The following SRCIN1 variants were observed in gnomAD, a reference collection of about 807,000 sequenced individuals.
SRCIN1 encodes SRC kinase signaling inhibitor 1, also known as P130Cas-associated protein.
SRCIN1 carries 50 observed loss-of-function variants against 116.2 expected under a neutral mutation model. That is an observed-to-expected ratio of 0.43 (90% CI 0.34 to 0.54). SRCIN1 has a LOEUF of 0.54. SRCIN1 is among the 20% of genes least tolerant of loss of function. SRCIN1 has a pLI of 0.02. For missense variants in SRCIN1, 1,446 were observed against 1,672.0 expected (o/e 0.86, Z 2.36); for synonymous variants, 736 against 750.0 (o/e 0.98, Z 0.30).
rs1409760113 is a variant in SRCIN1 at position 38,605,772 on chromosome 17, G to T, written c.-67C>A. The T allele has an allele frequency of 1.0e-5, 8 of 786,552 alleles. No homozygotes were observed. In the East Asian group the frequency reaches 5.0e-4, roughly 49 times the overall value. 48.7% of individuals were successfully genotyped at this position (786,552 alleles called of 1,614,324 possible). On this transcript the variant is annotated 5_prime_UTR_variant, in exon 1 of 19. Transcript: ENST00000617146. ...CTGGCGCTCGCCCTCTCGCCGCCTC[G>T]CGGGCTCCTCGCTCGGCCCCAGCCC...
At position 38,558,594 on chromosome 17, in the gene SRCIN1, G is replaced by A. The variant is rs892752148; in HGVS notation, c.2026-192C>T. On this transcript the variant is annotated intron_variant, in intron 10 of 18. Transcript: ENST00000617146. The surrounding 1 kb of genome is among the most constrained non-coding windows in gnomAD (Gnocchi z 4.6). ...AAGGGCAGGGGCGGGATGGCGAAGG[G>A]CAGGGGCAGAGGGCTAAGTTCTGGG... Among the ~76,000 whole-genome samples, 1 of 152,164 alleles carries A rather than the reference G, an allele frequency of 6.6e-6. No individual in the cohort carries two copies. The highest frequency in any genetic ancestry group is 2.4e-5 in the African/African-American group (1 of 41,442).
In SRCIN1 at chr17:38,559,148, C is replaced by T. The variant is rs575922056; in HGVS notation, c.2025+437G>A. On this transcript the variant is annotated intron_variant, in intron 10 of 18. Coordinates refer to ENST00000617146, the MANE Select transcript of SRCIN1 (RefSeq NM_025248.3). ...GGTGGGACCATCTGCCAAGCAGGGC[C>T]GGGGAGACTGTTGGGGCTCAGGAGG... The T allele has an allele frequency of 3.1e-5, 6 of 193,994 alleles. No homozygotes were observed. The South Asian group carries it at 6.3e-4, about 20-fold the overall frequency. 12.0% of individuals were successfully genotyped at this position (193,994 alleles called of 1,614,324 possible).
At chr17:38,601,799 C>T (rs1216533683) in intron 1 of SRCIN1, among the ~76,000 whole-genome samples, 2 of 152,142 alleles carry the variant, frequency 1.3e-5, no homozygotes, top group African/African-American at 4.8e-5. Flanking sequence ...AGCTTGGCTT[C>T]TCAACCTTCC....
Position 38,564,296 on chromosome 17 carries a change from G to A in SRCIN1, c.363C>T (p.His121=). ...CCAGCCCGGGCTGGGCTCCCTGAGT[G>A]TGGCGTGAGCTGCGGGTCTGCAGGG... is the stretch of plus-strand genomic sequence containing the variant. ...YWSFKTRSSR[H]TQGAQPGLAD... Residue 121 remains histidine, a synonymous_variant, in exon 4 of 19, where the codon CAC becomes CAT. Coordinates refer to ENST00000617146, the MANE Select transcript of SRCIN1 (RefSeq NM_025248.3). 1 of 1,564,386 alleles carries A rather than the reference G, an allele frequency of 6.4e-7. No individual in the cohort carries two copies. The highest frequency in any genetic ancestry group is 8.6e-7 in the Non-Finnish European group (1 of 1,159,216).
At position 38,558,387 on chromosome 17, in the gene SRCIN1, A is replaced by T; in HGVS notation, c.2041T>A (p.Ser681Thr). The change falls in exon 11 of 19, where the codon TCG becomes ACG. Residue 681 changes from serine (S) to threonine (T), a missense_variant. Physicochemically the swap from Ser to Thr is moderately conservative, Grantham distance 58. Around this residue, in one of 5 missense-constraint regions of SRCIN1, gnomAD observed 398 missense variants for 385.6 expected, o/e 1.03. Coordinates refer to ENST00000617146, the MANE Select transcript of SRCIN1 (RefSeq NM_025248.3). This position sits in a 1 kb window ranked among gnomAD's most constrained non-coding sequence, Gnocchi z 4.6. ...LRKLQLQNQE[S>T]VRALLKRTEA... Reference sequence around the variant, plus strand: ...GTGCGCTTCAGCAGCGCGCGCACCGACTCCTGGTTCTGTAGCTGCGGGACG... The same window carrying T: ...GTGCGCTTCAGCAGCGCGCGCACCGTCTCCTGGTTCTGTAGCTGCGGGACG... 1.2e-6 allele frequency: 2 copies of T among 1,601,830 alleles called. No individual in the cohort carries two copies. Among genetic ancestry groups the T allele is most frequent in the Non-Finnish European group, 1.7e-6 (2 of 1,178,318 alleles).
chr17:38,561,853 G>C lies in SRCIN1; in HGVS notation c.1310C>G (p.Thr437Ser). The C allele has an allele frequency of 2.0e-6, 3 of 1,469,018 alleles. No individual in the cohort carries two copies. Among genetic ancestry groups the C allele is most frequent in the Non-Finnish European group, 2.7e-6 (3 of 1,121,492 alleles). 91.0% of individuals were successfully genotyped at this position (1,469,018 alleles called of 1,614,324 possible). ...GGACTGCAGCGCGGCGGCCGAGTAG[G>C]TGCTGAGCGAGCGCACCGAGCCGCG... ...YKRGSVRSLS[T>S]YSAAALQSDL... The change falls in exon 7 of 19, where the codon ACC (threonine) becomes AGC (serine). Residue 437 changes from threonine to serine, a missense_variant. Physicochemically the swap from Thr to Ser is moderately conservative, Grantham distance 58 (BLOSUM62 1). This residue lies in a region of SRCIN1 where 239 missense variants were observed against 317.7 expected (regional missense o/e 0.75). Transcript: ENST00000617146.
chr17:38,605,597 G>C, intron 1 of SRCIN1, 87 bp downstream of exon 1: 1 of 1,153,348 alleles, frequency 8.7e-7, no homozygotes, highest in Non-Finnish European at 1.1e-6. Context: ...CCCGCCCCCG[G>C]CCGAGGGGGA....
At position 38,543,856 on chromosome 17, in the gene SRCIN1, C is replaced by T; in HGVS notation, c.3384G>A (p.Arg1128=). 1 of 1,608,066 alleles carries T rather than the reference C, an allele frequency of 6.2e-7. No individual in the cohort carries two copies. The highest frequency in any genetic ancestry group is 8.5e-7 in the Non-Finnish European group (1 of 1,179,742). ...GGGCCTGGATCCGCATGTACTCGGC[C>T]CTCTGCTTGCCATGTTTGCTTTTGT... ...SPDKSKHGKQ[R]AEYMRIQAQQ... The change falls in exon 18 of 19, where the codon AGG becomes AGA. Residue 1128 remains arginine, a synonymous_variant. Transcript: ENST00000617146.
intron 11 of SRCIN1, among the ~76,000 whole-genome samples, chr17:38,554,005 G>C (rs1905619018): frequency 6.6e-6 from 1 of 152,136 alleles, no homozygotes; most frequent in Non-Finnish European, 1.5e-5. Context: ...TGAGGTCAGG[G>C]GTTCGAGACC....
At chr17:38,605,057 T>C (rs1018168127) in intron 1 of SRCIN1, among the ~76,000 whole-genome samples, 1 of 151,810 alleles carries the variant, frequency 6.6e-6, no homozygotes, top group Non-Finnish European at 1.5e-5. Context: ...GGCTAGGGCC[T>C]CGAGGTGCGG....
chr17:38,533,166 CCCTCCTCTTCAGGG>C lies in SRCIN1; in HGVS notation c.*117_*130del. ...GTAGGGGTCGCTGAGGAGGGCCGCA[CCCTCCTCTTCAGGG>C]CACACCCCTCAGGGCGTCTGGAGAG... On this transcript the variant is annotated 3_prime_UTR_variant, in exon 19 of 19. Transcript: ENST00000617146. 1 of 1,169,548 alleles carries C rather than the reference CCCTCCTCTTCAGGG, an allele frequency of 8.6e-7. No individual in the cohort carries two copies. Among genetic ancestry groups the C allele is most frequent in the Non-Finnish European group, 1.1e-6 (1 of 887,080 alleles). The allele number at this position is 1,169,548 out of a possible 1,614,324, so 72.4% of individuals were successfully genotyped here.
rs368889311 is a variant in SRCIN1 at position 38,543,870 on chromosome 17, G to A, written c.3370C>T (p.His1124Tyr). 1.6e-5 allele frequency: 26 copies of A among 1,608,056 alleles called. No individual in the cohort carries two copies. Among genetic ancestry groups the A allele is most frequent in the Non-Finnish European group, 2.1e-5 (25 of 1,179,770 alleles). The change falls in exon 18 of 19, where the codon CAT (histidine) becomes TAT (tyrosine). Residue 1124 changes from histidine to tyrosine, a missense_variant. Physicochemically the swap from His to Tyr is moderately conservative, Grantham distance 83. This residue lies in a region of SRCIN1 where 531 missense variants were observed against 633.9 expected (regional missense o/e 0.84). Coordinates refer to ENST00000617146, the MANE Select transcript of SRCIN1 (RefSeq NM_025248.3). ...GQAGSPDKSK[H>Y]GKQRAEYMRI... ...ATGTACTCGGCCCTCTGCTTGCCAT[G>A]TTTGCTTTTGTCGGGGCTGCCCGCC...
At chr17:38,574,864 T>G (rs1027725090) in intron 2 of SRCIN1, 75 of 396,480 alleles carry the variant, frequency 1.9e-4, no homozygotes, top group African/African-American at 1.5e-3. Context: ...GGGGTGGAGG[T>G]GGGTGACTCA....
intron 18 of SRCIN1, chr17:38,541,256 TAAAATAA>T (rs1904723309): frequency 6.6e-6 from 1 of 150,948 alleles, no homozygotes; most frequent in African/African-American, 2.4e-5. Flanking sequence ...TAAAATAAAA[TAAAATAA>T]AATAAAATAA....
At chr17:38,599,225 A>G (rs1157032719) in intron 1 of SRCIN1, among the ~76,000 whole-genome samples, 1 of 152,206 alleles carries the variant, frequency 6.6e-6, no homozygotes, top group Non-Finnish European at 1.5e-5. Flanking sequence ...ACTGAAGACC[A>G]GAGGGGGCAA....
Position 38,562,215 on chromosome 17 carries a change from C to A in SRCIN1, c.948G>T (p.Leu316=). The part of the protein sequence containing the change: ...GSPPPGLPSG[L]PSGLQSGSPS... ...GCGAACCGGACTGCAGCCCGGACGGCAGCCCCGACGGCAGCCCGGGCGGCG... is the reference window on the plus strand; with the variant it reads ...GCGAACCGGACTGCAGCCCGGACGGAAGCCCCGACGGCAGCCCGGGCGGCG... Residue 316 remains leucine, a synonymous_variant, in exon 7 of 19, where the codon CTG becomes CTT. Coordinates refer to ENST00000617146, the MANE Select transcript of SRCIN1 (RefSeq NM_025248.3). The surrounding 1 kb of genome is among the most constrained non-coding windows in gnomAD (Gnocchi z 4.2). The A allele has an allele frequency of 7.0e-7, 1 of 1,434,016 alleles. No individual in the cohort carries two copies. Among genetic ancestry groups the A allele is most frequent in the East Asian group, 3.0e-5 (1 of 33,206 alleles). 88.8% of individuals were successfully genotyped at this position (1,434,016 alleles called of 1,614,324 possible). A position where few individuals can be genotyped will look rare whatever the true frequency, so the allele number is the denominator to read the frequency against.
intron 2 of SRCIN1, among the ~76,000 whole-genome samples, chr17:38,577,354 C>A (rs1907482993): frequency 6.6e-6 from 1 of 152,230 alleles, no homozygotes; most frequent in African/African-American, 2.4e-5. Context: ...TAATCCTGAT[C>A]TGCATCCTGC....
chr17:38,555,394 G>GA (rs1222053957), intron 11 of SRCIN1, among the ~76,000 whole-genome samples: 3 of 152,158 alleles, frequency 2.0e-5, no homozygotes, highest in Non-Finnish European at 4.4e-5. Context: ...ACATGTTGAA[G>GA]ACGGCAGAAC....
chr17:38,534,752 G>C (rs775205516), intron 18 of SRCIN1, among the ~76,000 whole-genome samples: 10 of 152,128 alleles, frequency 6.6e-5, no homozygotes, highest in Non-Finnish European at 1.5e-4. Context: ...TCCTTTACAG[G>C]TGCACAGATG....
Sources: allele counts gnomAD v4.1 joint callset (sites outside exome capture counted in the v4.1 genomes callset), GRCh38; gene constraint gnomAD v4.1.1; regional missense constraint gnomAD v4.1.1; non-coding constraint Gnocchi (gnomAD v3.1); transcripts MANE v1.5; gene names NCBI Gene and HGNC (gene_info 2026-07-23, HGNC 2026-07-21).